The following RYR3 variants were observed in gnomAD, a reference collection of about 807,000 sequenced individuals.
The protein encoded by RYR3 is ryanodine receptor 3, also known as brain ryanodine receptor-calcium release channel.
Under a neutral mutation model 584.3 loss-of-function variants are expected in RYR3, and 207 were observed. The ratio of observed to expected loss-of-function variants is 0.35; its 90% CI spans 0.32 to 0.40. RYR3 has a LOEUF of 0.40. RYR3 is among the 10% of genes least tolerant of loss of function. The probability of loss-of-function intolerance (pLI) is 1.00; values close to 1 mark genes in which losing one functional copy is unlikely to be tolerated. For synonymous variants in RYR3, 2,416 were observed against 2,248.5 expected (o/e 1.07, Z -2.11); for missense variants, 5,616 against 6,089.2 (o/e 0.92, Z 2.59).
At chr15:33,479,592 C>T (rs2049775033) in intron 2 of RYR3, among the ~76,000 whole-genome samples, 1 of 151,050 alleles carries the variant, frequency 6.6e-6, no homozygotes, top group African/African-American at 2.4e-5. Flanking sequence ...ATAAAGCAAA[C>T]ATTGTCCTCA....
At chr15:33,636,779 G>T (rs1318263253) in intron 27 of RYR3, among the ~76,000 whole-genome samples, 1 of 152,186 alleles carries the variant, frequency 6.6e-6, no homozygotes, top group African/African-American at 2.4e-5. Context: ...TCTCAGATAG[G>T]TTAACCAAGA....
chr15:33,620,441 A>T (rs4779622), intron 19 of RYR3, among the ~76,000 whole-genome samples: 61,152 of 151,932 alleles, frequency 0.4, 13,104 homozygotes, highest in East Asian at 0.74. Flanking sequence ...ACAGTTTTTT[A>T]GTATATACTA....
At chr15:33,544,195 C>A (rs1190287944) in intron 8 of RYR3, among the ~76,000 whole-genome samples, 1 of 152,106 alleles carries the variant, frequency 6.6e-6, no homozygotes, top group African/African-American at 2.4e-5. Flanking sequence ...TTGACCCCTT[C>A]ATGAATGCTT....
At position 33,521,350 on chromosome 15, in the gene RYR3, T is replaced by C. The variant is rs575014631; in HGVS notation, c.280-9242T>C. Among the ~76,000 whole-genome samples, 13 of 152,278 alleles carry C rather than the reference T, an allele frequency of 8.5e-5. No homozygotes were observed. The South Asian group carries it at 2.5e-3, about 29-fold the overall frequency. On this transcript the variant is annotated intron_variant, in intron 3 of 103. Transcript: ENST00000634891. ...AATTAGGCTCTGGCCTTTCATCCTT[T>C]TGTTCTGAAATACTTCCATGTGGCA...
chr15:33,521,119 AC>A (rs2140963876), intron 3 of RYR3, among the ~76,000 whole-genome samples: 1 of 141,446 alleles, frequency 7.1e-6, no homozygotes, highest in South Asian at 2.3e-4. Flanking sequence ...TTAGGTGCCC[AC>A]AGGAAAGAAT....
At chr15:33,748,607 AAG>A in intron 55 of RYR3, 77 bp downstream of exon 55, 1 of 1,228,824 alleles carries the variant, frequency 8.1e-7, no homozygotes, top group Non-Finnish European at 1.2e-6. Context: ...AGGGGGAAAA[AAG>A]GGAAAGAATG....
In RYR3 at chr15:33,581,639, G is replaced by T. The variant is rs754807377; in HGVS notation, c.1569G>T (p.Leu523Phe). The change falls in exon 14 of 104, where the codon TTG (leucine) becomes TTT (phenylalanine). Residue 523 changes from leucine (L) to phenylalanine (F), a missense_variant. This residue lies in a region of RYR3 where 1,284 missense variants were observed against 1,344.6 expected (regional missense o/e 0.95). Coordinates refer to ENST00000634891, the MANE Select transcript of RYR3 (RefSeq NM_001036.6). The stretch of plus-strand genomic sequence containing the variant: ...AAATTCTGAACCTCCTCTACAAATT[G>T]CTGGGTAAGTACACATACAGTGCCT... ...WKEILNLLYK[L>F]LAALIRGNRN... The T allele has an allele frequency of 2.5e-6, 4 of 1,613,590 alleles. No homozygotes were observed. In the South Asian group the frequency reaches 3.3e-5, roughly 13 times the overall value.
At chr15:33,678,259 G>C (rs369285949) in intron 38 of RYR3, among the ~76,000 whole-genome samples, 3 of 152,296 alleles carry the variant, frequency 2.0e-5, no homozygotes, top group Non-Finnish European at 4.4e-5. Context: ...TGAAGCAGGG[G>C]CCTGGTGGGA....
chr15:33,588,074 C>A (rs1350484518), intron 16 of RYR3, among the ~76,000 whole-genome samples: 2 of 152,224 alleles, frequency 1.3e-5, no homozygotes, highest in Non-Finnish European at 2.9e-5. Flanking sequence ...ACAAGAGCAA[C>A]AACAGTAATG....
At chr15:33,668,173 C>T (rs1264887004) in intron 36 of RYR3, among the ~76,000 whole-genome samples, 2 of 151,010 alleles carry the variant, frequency 1.3e-5, no homozygotes, top group African/African-American at 2.4e-5. Flanking sequence ...AGAAATCAGC[C>T]GGGCGTGTTG....
intron 38 of RYR3, among the ~76,000 whole-genome samples, chr15:33,670,807 T>C (rs1284500407): frequency 6.6e-6 from 1 of 152,148 alleles, no homozygotes; most frequent in Non-Finnish European, 1.5e-5. Context: ...GCTGTCGTGT[T>C]CTACTTAGAG....
chr15:33,813,141 C>T, intron 73 of RYR3, 147 bp downstream of exon 73: 2 of 987,002 alleles, frequency 2.0e-6, no homozygotes, highest in Non-Finnish European at 3.0e-6. Flanking sequence ...CCCCCACGTG[C>T]CATCTCGATG....
intron 52 of RYR3, among the ~76,000 whole-genome samples, chr15:33,745,125 G>A (rs2070562258): frequency 6.6e-6 from 1 of 152,182 alleles, no homozygotes; most frequent in South Asian, 2.1e-4. Context: ...GAGGGGTACA[G>A]GCAGTGGTGT....
Position 33,813,478 on chromosome 15 carries a change from T to G in RYR3, c.10401T>G (p.Pro3467=). 1 of 1,613,696 alleles carries G rather than the reference T, an allele frequency of 6.2e-7. No homozygotes were observed. Residue 3467 remains proline (P), a synonymous_variant, in exon 74 of 104, where the codon CCT becomes CCG. Coordinates refer to ENST00000634891, the MANE Select transcript of RYR3 (RefSeq NM_001036.6). Reference sequence around the variant, plus strand: ...TGATCTCTTCTCAGGTGGAACAGCCTTTGAGGTCCAAGAAGGCCGTCTGGC... The same window carrying G: ...TGATCTCTTCTCAGGTGGAACAGCCGTTGAGGTCCAAGAAGGCCGTCTGGC... The part of the protein sequence containing the change: ...AVFHLEQVEQ[P]LRSKKAVWHK...
intron 21 of RYR3, among the ~76,000 whole-genome samples, chr15:33,628,831 A>G (rs1396761614): frequency 6.6e-6 from 1 of 152,202 alleles, no homozygotes; most frequent in Non-Finnish European, 1.5e-5. Context: ...AAAAGTTGTC[A>G]TCTCTGTATG....
At chr15:33,479,010 T>A (rs1484430140) in intron 2 of RYR3, among the ~76,000 whole-genome samples, 1 of 152,216 alleles carries the variant, frequency 6.6e-6, no homozygotes, top group African/African-American at 2.4e-5. Flanking sequence ...GAATTCTTTC[T>A]TACTGATCAT....
At chr15:33,314,803 G>A (rs1159957648) in intron 1 of RYR3, among the ~76,000 whole-genome samples, 4 of 152,208 alleles carry the variant, frequency 2.6e-5, no homozygotes, top group East Asian at 1.9e-4. Flanking sequence ...AGTCCCAGCT[G>A]CTCGGGAGGC....
rs548057795 is a variant in RYR3, at chr15:33,377,794, T to C, written c.51+66698T>C. Among the ~76,000 whole-genome samples the C allele has an allele frequency of 4.0e-5, 6 of 151,454 alleles. No individual in the cohort carries two copies. In the South Asian group the frequency reaches 1.3e-3, roughly 32 times the overall value. ...TTAAAAACGTAAGTTCTAGAAATCTTTTTTTTTCCCCCCTTTGGATATAGG... is the reference window on the plus strand; with the variant it reads ...TTAAAAACGTAAGTTCTAGAAATCTCTTTTTTTCCCCCCTTTGGATATAGG... On this transcript the variant is annotated intron_variant, in intron 1 of 103. Transcript: ENST00000634891.
intron 86 of RYR3, 40 bp downstream of exon 86, chr15:33,831,131 A>G (rs1486150045): frequency 3.8e-6 from 6 of 1,578,940 alleles, no homozygotes; most frequent in South Asian, 3.4e-5. Context: ...CAAAGAGAAC[A>G]TTGTTGATAT....
Sources: allele counts gnomAD v4.1 joint callset (sites outside exome capture counted in the v4.1 genomes callset), GRCh38; gene constraint gnomAD v4.1.1; regional missense constraint gnomAD v4.1.1; transcripts MANE v1.5; gene names NCBI Gene and HGNC (gene_info 2026-07-23, HGNC 2026-07-21).